Variants in CDK7 observed in about 807,000 individuals in gnomAD.
The protein encoded by CDK7 is cyclin-dependent kinase 7.
Under a neutral mutation model 49.1 loss-of-function variants are expected in CDK7, and 25 were observed. The observed-to-expected ratio is 0.51, with a 90% CI of 0.37 to 0.71. The LOEUF is 0.71. CDK7 is among the 30% of genes least tolerant of loss of function. CDK7 has a pLI of 0.00. For missense variants in CDK7, 316 were observed against 411.7 expected (o/e 0.77, Z 2.01); for synonymous variants, 107 against 140.0 (o/e 0.76, Z 1.67).
At position 69,258,150 on chromosome 5, in the gene CDK7, T is replaced by G. The variant is rs1450793266; in HGVS notation, c.405T>G (p.His135Gln). The G allele has an allele frequency of 6.9e-7, 1 of 1,447,322 alleles. No homozygotes were observed. The highest frequency in any genetic ancestry group is 2.1e-5 in the Admixed American group (1 of 48,296). The allele number at this position is 1,447,322 out of a possible 1,614,324, so 89.7% of individuals were successfully genotyped here. A position where few individuals can be genotyped will look rare whatever the true frequency, so the allele number is the denominator to read the frequency against. ...LEYLHQHWIL[H>Q]RDLKPNNLLL... ...ATTTACATCAACATTGGATCCTACA[T>G]AGGGTAAGGTTTTTAATATTGCTTC... The change falls in exon 6 of 12, where the codon CAT (histidine) becomes CAG (glutamine). Residue 135 changes from histidine to glutamine, a missense_variant. Physicochemically the swap from His to Gln is conservative, Grantham distance 24. Transcript: ENST00000256443.
At chr5:69,260,503 A>G (rs1750748692) in intron 7 of CDK7, among the ~76,000 whole-genome samples, 1 of 152,226 alleles carries the variant, frequency 6.6e-6, no homozygotes, top group Non-Finnish European at 1.5e-5. Context: ...ATACTTTAAC[A>G]TTTTAGTTAG....
chr5:69,234,851 C>A, upstream of CDK7: 3 of 939,922 alleles, frequency 3.2e-6, no homozygotes, highest in South Asian at 1.5e-5. Flanking sequence ...GGAAGTGAGG[C>A]GGGGATACTA....
intron 9 of CDK7, 143 bp from the exon 10 acceptor site, chr5:69,272,749 G>T (rs988503746): frequency 1.4e-5 from 6 of 443,868 alleles, no homozygotes; most frequent in Non-Finnish European, 2.4e-5. Context: ...TTTCAGCCTT[G>T]TCTTACTACT....
chr5:69,263,299 G>GC (rs1750951304), intron 8 of CDK7, among the ~76,000 whole-genome samples: 1 of 152,124 alleles, frequency 6.6e-6, no homozygotes, highest in South Asian at 2.1e-4. Context: ...CTCTCCTTAA[G>GC]CCATATGTAT....
intron 3 of CDK7, among the ~76,000 whole-genome samples, chr5:69,252,735 C>T (rs1287421438): frequency 2.0e-5 from 3 of 152,162 alleles, no homozygotes; most frequent in South Asian, 4.2e-4. Context: ...TCTCAAACTC[C>T]TGGCCTCAAG....
intron 7 of CDK7, among the ~76,000 whole-genome samples, chr5:69,260,975 G>A (rs1402038737): frequency 6.6e-6 from 1 of 152,026 alleles, no homozygotes; most frequent in East Asian, 1.9e-4. Context: ...GCCCCACCAT[G>A]GCTGGCTAAT....
intron 1 of CDK7, 174 bp from the exon 2 acceptor site, chr5:69,235,220 G>A: frequency 2.7e-6 from 2 of 748,654 alleles, no homozygotes; most frequent in Non-Finnish European, 4.6e-6. Flanking sequence ...TCCCTGAGGG[G>A]CCTCTCCTTG....
chr5:69,265,372 C>T (rs1751082410), intron 8 of CDK7, among the ~76,000 whole-genome samples: 1 of 149,316 alleles, frequency 6.7e-6, no homozygotes, highest in Non-Finnish European at 1.5e-5. Context: ...CCAAGACACA[C>T]TGTTGTGAAA....
chr5:69,255,495 C>T lies in CDK7; in HGVS notation c.264C>T (p.Ser88=), dbSNP rs749507664. The part of the protein sequence containing the change: ...LDAFGHKSNI[S]LVFDFMETDL... ...CTTTTGGACATAAATCTAATATTAG[C>T]CTTGTCTTTGATTTTATGGAAACTG... Residue 88 remains serine (S), a synonymous_variant, in exon 5 of 12, where the codon AGC becomes AGT. Coordinates refer to ENST00000256443, the MANE Select transcript of CDK7 (RefSeq NM_001799.4). 1.3e-6 allele frequency: 2 copies of T among 1,588,708 alleles called. No individual in the cohort carries two copies. The highest frequency in any genetic ancestry group is 4.5e-5 in the East Asian group (2 of 44,468).
At chr5:69,250,883 T>G (rs1750093536) in intron 2 of CDK7, 4 of 456,458 alleles carry the variant, frequency 8.8e-6, no homozygotes, top group Non-Finnish European at 1.8e-5. Flanking sequence ...GGCTCTATAG[T>G]GAGCAAATCA....
At position 69,258,087 on chromosome 5, in the gene CDK7, C is replaced by G. The variant is rs1461178635; in HGVS notation, c.342C>G (p.Ile114Met). 2 of 1,599,970 alleles carry G rather than the reference C, an allele frequency of 1.3e-6. No homozygotes were observed. The highest frequency in any genetic ancestry group is 1.7e-6 in the Non-Finnish European group (2 of 1,170,226). ...GTCTTGTGCTGACACCATCACACAT[C>G]AAAGCCTACATGTTGATGACTCTTC... ...DNSLVLTPSH[I>M]KAYMLMTLQG... The change falls in exon 6 of 12, where the codon ATC (isoleucine) becomes ATG (methionine). Residue 114 changes from isoleucine to methionine, a missense_variant. Physicochemically the swap from Ile to Met is conservative, Grantham distance 10. Transcript: ENST00000256443.
intron 3 of CDK7, among the ~76,000 whole-genome samples, chr5:69,253,357 C>T (rs921022005): frequency 3.3e-5 from 5 of 151,998 alleles, no homozygotes; most frequent in Admixed American, 1.3e-4. Flanking sequence ...CTCTACCTCC[C>T]GGGTTCAAGC....
rs891952308 is a variant in CDK7 at position 69,258,605 on chromosome 5, A to T, written c.408+452A>T. Among the ~76,000 whole-genome samples, 3 of 152,034 alleles carry T rather than the reference A, an allele frequency of 2.0e-5. No individual in the cohort carries two copies. In the East Asian group the frequency reaches 5.8e-4, roughly 29 times the overall value. On this transcript the variant is annotated intron_variant, in intron 6 of 11. Coordinates refer to ENST00000256443, the MANE Select transcript of CDK7 (RefSeq NM_001799.4). ...CACCGTGTTAGCCAGAATGGTCTCG[A>T]TCTCCTGGCCTCGTGATCTGCCCAT...
intron 2 of CDK7, among the ~76,000 whole-genome samples, chr5:69,251,298 C>T (rs1750128917): frequency 6.6e-6 from 1 of 152,008 alleles, no homozygotes; most frequent in African/African-American, 2.4e-5. Context: ...CGGGGTTTCA[C>T]CATATTGTCC....
intron 8 of CDK7, among the ~76,000 whole-genome samples, chr5:69,268,830 G>A (rs1751333777): frequency 2.9e-5 from 2 of 69,922 alleles, no homozygotes; most frequent in South Asian, 6.2e-4. Context: ...GAGCGAGACT[G>A]TCTCAAAAAA....
rs372817695 is a variant in CDK7 at position 69,254,678 on chromosome 5, G to C, written c.228+9G>C. ...ATCCAAATATAATTGGTGTGAGTATGATCAAAACTGTTACTGGGATTTGGG... is the reference window on the plus strand; with the variant it reads ...ATCCAAATATAATTGGTGTGAGTATCATCAAAACTGTTACTGGGATTTGGG... On this transcript the variant is annotated intron_variant, in intron 4 of 11. Transcript: ENST00000256443. 4 of 1,408,520 alleles carry C rather than the reference G, an allele frequency of 2.8e-6. No individual in the cohort carries two copies. In the Admixed American group the frequency reaches 6.8e-5, roughly 24 times the overall value. The allele number at this position is 1,408,520 out of a possible 1,614,324, so 87.3% of individuals were successfully genotyped here.
intron 2 of CDK7, among the ~76,000 whole-genome samples, chr5:69,247,257 T>G (rs1580282267): frequency 6.6e-6 from 1 of 152,226 alleles, no homozygotes; most frequent in Non-Finnish European, 1.5e-5. Context: ...ATTTTATATA[T>G]CTGAGTGCTC....
rs769510572 is a variant in CDK7 at position 69,276,540 on chromosome 5, A to G, written c.865-3A>G. ...TTACTTTTGGTATCTTTTCTTTTAA[A>G]AGGCACTGAAAATGAAGTATTTCAG... is the stretch of plus-strand genomic sequence containing the variant. On this transcript the variant is annotated splice_polypyrimidine_tract_variant and splice_region_variant and intron_variant, in intron 10 of 11. Transcript: ENST00000256443. 1.2e-6 allele frequency: 2 copies of G among 1,612,122 alleles called. No homozygotes were observed. The highest frequency in any genetic ancestry group is 2.2e-5 in the South Asian group (2 of 90,908).
intron 6 of CDK7, 91 bp downstream of exon 6, chr5:69,258,244 A>G (rs919342742): frequency 1.3e-4 from 79 of 601,508 alleles, no homozygotes; most frequent in Admixed American, 9.3e-4. Flanking sequence ...TTGTTTAACA[A>G]TGAATTTATA....
Sources: gnomAD v4.1 joint callset for allele counts (sites outside exome capture counted in the v4.1 genomes callset) on GRCh38, gnomAD v4.1.1 for gene constraint, MANE v1.5 for transcripts, NCBI Gene and HGNC (gene_info 2026-07-23, HGNC 2026-07-21) for gene names.